Variants in COL9A3 observed in about 807,000 individuals in gnomAD.
The protein encoded by COL9A3 is collagen type IX alpha 3 chain.
Under a neutral mutation model 110.2 loss-of-function variants are expected in COL9A3, and 82 were observed. That is an observed-to-expected ratio of 0.74 (90% CI 0.62 to 0.89). COL9A3 has a LOEUF of 0.89. Among genes scored for constraint, COL9A3 ranks in the 40% least tolerant of loss-of-function variants. COL9A3 has a pLI of 0.00. For synonymous variants in COL9A3, 494 were observed against 403.8 expected (o/e 1.22, Z -2.68); for missense variants, 1,066 against 981.3 (o/e 1.09, Z -1.15).
intron 11 of COL9A3, 78 bp downstream of exon 11, chr20:62,824,579 G>A: frequency 3.5e-6 from 5 of 1,437,578 alleles, no homozygotes; most frequent in Non-Finnish European, 4.8e-6. Context: ...GGGCTGTGGA[G>A]GTGGCGGGTC....
At chr20:62,828,716 G>A (rs749012638) in intron 17 of COL9A3, 48 bp from the exon 18 acceptor site, 4 of 1,605,240 alleles carry the variant, frequency 2.5e-6, no homozygotes, top group Non-Finnish European at 3.4e-6. Flanking sequence ...TGTAGAGGGA[G>A]GGAGGGGGGC....
Position 62,821,514 on chromosome 20 carries a change from G to C in COL9A3, c.353G>C (p.Gly118Ala). The C allele has an allele frequency of 1.2e-6, 2 of 1,612,852 alleles. No homozygotes were observed. Among genetic ancestry groups the C allele is most frequent in the Non-Finnish European group, 1.7e-6 (2 of 1,179,946 alleles). ...PPGPPGLGGK[G>A]LPGPPGEAGV... The stretch of plus-strand genomic sequence containing the variant: ...CCATGTTTGGCTTTGCAGGGCAAAG[G>C]CCTCCCTGGACCCCCCGTGAGTACT... The change falls in exon 7 of 32, where the codon GGC becomes GCC. Residue 118 changes from glycine to alanine, a missense_variant. Gly to Ala is a moderately conservative substitution (Grantham distance 60, BLOSUM62 0). Coordinates refer to ENST00000649368, the MANE Select transcript of COL9A3 (RefSeq NM_001853.4).
rs369283322 is a variant in COL9A3, at chr20:62,840,549, A to G, written c.1872A>G (p.Gln624=). Residue 624 remains glutamine, a synonymous_variant, in exon 32 of 32, where the codon CAA becomes CAG. Transcript: ENST00000649368. The stretch of plus-strand genomic sequence containing the variant: ...TTTCTGCTCTGTCCCAAGGACCCCA[A>G]GGCGTGCCCGGCACCAGCAAGGACG... ...PEGDQGPQGP[Q]GVPGTSKDGQ... The G allele has an allele frequency of 2.5e-6, 4 of 1,611,696 alleles. No individual in the cohort carries two copies. The highest frequency in any genetic ancestry group is 2.2e-5 in the East Asian group (1 of 44,894).
In COL9A3 at chr20:62,819,918, C is replaced by A; in HGVS notation, c.256-11C>A. Reference sequence around the variant, plus strand: ...TGTGGCCCCTCGAGCTCGCCCTCTGCCTCTCCCCAGGGTCTGACTGGACGA... The same window carrying A: ...TGTGGCCCCTCGAGCTCGCCCTCTGACTCTCCCCAGGGTCTGACTGGACGA... On this transcript the variant is annotated splice_polypyrimidine_tract_variant and intron_variant, in intron 4 of 31. Coordinates refer to ENST00000649368, the MANE Select transcript of COL9A3 (RefSeq NM_001853.4). 2 of 1,612,822 alleles carry A rather than the reference C, an allele frequency of 1.2e-6. No individual in the cohort carries two copies. Among genetic ancestry groups the A allele is most frequent in the East Asian group, 2.2e-5 (1 of 44,888 alleles).
chr20:62,839,880 C>G lies in COL9A3; in HGVS notation c.1865-662C>G, dbSNP rs558702245. Among the ~76,000 whole-genome samples the G allele has an allele frequency of 1.3e-4, 20 of 152,282 alleles. No individual in the cohort carries two copies. In the South Asian group the frequency reaches 3.9e-3, roughly 30 times the overall value. On this transcript the variant is annotated intron_variant, in intron 31 of 31. Coordinates refer to ENST00000649368, the MANE Select transcript of COL9A3 (RefSeq NM_001853.4). ...TTCTCCCCTCCACGCACACACACTG[C>G]TCTCTGGGTGCCCCATGCTCCTGGA...
chr20:62,826,349 A>ACTCTGAAGCAGCCGGCACCCTGG (rs2063552319), intron 14 of COL9A3, 92 bp downstream of exon 14: 4 of 1,214,926 alleles, frequency 3.3e-6, no homozygotes, highest in Non-Finnish European at 4.7e-6. Flanking sequence ...CGTGAGTGAC[A>ACTCTGAAGCAGCCGGCACCCTGG]CTCTGAAGCA....
At chr20:62,832,893 T>C in intron 25 of COL9A3, 127 bp from the exon 26 acceptor site, 1 of 864,652 alleles carries the variant, frequency 1.2e-6, no homozygotes, top group African/African-American at 2.0e-5. Context: ...CCCTGGGGCC[T>C]GGGCTTTTGG....
Position 62,821,745 on chromosome 20 carries a change from A to G in COL9A3, c.370-12A>G. The G allele has an allele frequency of 1.2e-6, 2 of 1,608,906 alleles. No homozygotes were observed. Among genetic ancestry groups the G allele is most frequent in the Non-Finnish European group, 1.7e-6 (2 of 1,177,972 alleles). ...GGTGCAGACCTCCCCACCTCTCTTT[A>G]CTTCCCTCCAGGGAGAGGCAGGAGT... is the stretch of plus-strand genomic sequence containing the variant. On this transcript the variant is annotated splice_polypyrimidine_tract_variant and intron_variant, in intron 7 of 31. Transcript: ENST00000649368.
intron 24 of COL9A3, 158 bp from the exon 25 acceptor site, chr20:62,831,996 G>T: frequency 1.3e-6 from 1 of 770,010 alleles, no homozygotes; most frequent in Non-Finnish European, 2.3e-6. Flanking sequence ...ACGTGAGCTT[G>T]GCCTTTGGGC....
intron 4 of COL9A3, 120 bp from the exon 5 acceptor site, chr20:62,819,809 T>G: frequency 1.8e-6 from 2 of 1,115,162 alleles, no homozygotes; most frequent in Non-Finnish European, 2.7e-6. Context: ...GCTGCCACCC[T>G]AAGGGTCTTC....
chr20:62,832,799 T>G (rs2063606746), intron 25 of COL9A3: 1 of 492,814 alleles, frequency 2.0e-6, no homozygotes. Flanking sequence ...AGCCTCATTA[T>G]GCAAACAAAT....
Position 62,821,492 on chromosome 20 carries a change from T to C in COL9A3, c.346-15T>C, listed in dbSNP as rs2063512751. The C allele has an allele frequency of 6.2e-7, 1 of 1,612,908 alleles. No individual in the cohort carries two copies. The highest frequency in any genetic ancestry group is 8.5e-7 in the Non-Finnish European group (1 of 1,179,938). ...TTGTGCCTGGCAGGCTCTGACCCCA[T>C]GTTTGGCTTTGCAGGGCAAAGGCCT... On this transcript the variant is annotated splice_polypyrimidine_tract_variant and intron_variant, in intron 6 of 31. Coordinates refer to ENST00000649368, the MANE Select transcript of COL9A3 (RefSeq NM_001853.4).
At chr20:62,826,290 A>G (rs1600797878) in intron 14 of COL9A3, 33 bp downstream of exon 14, 5 of 1,541,526 alleles carry the variant, frequency 3.2e-6, no homozygotes, top group Non-Finnish European at 3.5e-6. Flanking sequence ...GGGGCCGGCC[A>G]GGTGGCTGGG....
upstream of COL9A3, chr20:62,817,018 C>T (rs1331248205): frequency 8.8e-7 from 1 of 1,141,994 alleles, no homozygotes; most frequent in African/African-American, 1.7e-5. Flanking sequence ...GCCCCGCCCG[C>T]CCGCGCGCCG....
chr20:62,822,995 G>A (rs760086), intron 10 of COL9A3, among the ~76,000 whole-genome samples: 47,930 of 152,154 alleles, frequency 0.32, 7,779 homozygotes, highest in Non-Finnish European at 0.35. Flanking sequence ...CTGGAGTCTG[G>A]GACCCACCTT....
rs562245450 is a variant in COL9A3, at chr20:62,830,583, G to A, written c.1282G>A (p.Asp428Asn). Residue 428 changes from aspartate (D) to asparagine (N), a missense_variant, in exon 24 of 32, where the codon GAC becomes AAC. Asp to Asn is a conservative substitution (Grantham distance 23). Coordinates refer to ENST00000649368, the MANE Select transcript of COL9A3 (RefSeq NM_001853.4). ...GPQGLRGDVG[D>N]RGPGGAAGPK... ...CCAGGGCCTCCGAGGTGACGTGGGC[G>A]ACCGGGTAAGTGGCCCTCTCAGCAG... The A allele has an allele frequency of 1.6e-5, 25 of 1,596,860 alleles. No homozygotes were observed. In the East Asian group the frequency reaches 3.4e-4, roughly 22 times the overall value.
At chr20:62,827,176 C>T in intron 15 of COL9A3, 65 bp from the exon 16 acceptor site, 1 of 1,576,852 alleles carries the variant, frequency 6.3e-7, no homozygotes, top group African/African-American at 1.3e-5. Context: ...GGAGGGGCCC[C>T]CGTCCTACTC....
At chr20:62,832,795 A>C in intron 25 of COL9A3, 1 of 472,602 alleles carries the variant, frequency 2.1e-6, no homozygotes, top group Non-Finnish European at 3.9e-6. Flanking sequence ...GAAAAGCCTC[A>C]TTATGCAAAC....
At chr20:62,840,431 C>G (rs1205291057) in intron 31 of COL9A3, 111 bp from the exon 32 acceptor site, 8 of 1,051,028 alleles carry the variant, frequency 7.6e-6, no homozygotes, top group Non-Finnish European at 1.0e-5. Context: ...GGCCTCTCCC[C>G]AAGTGAAGAG....
Sources: gnomAD v4.1 joint callset for allele counts (sites outside exome capture counted in the v4.1 genomes callset) on GRCh38, gnomAD v4.1.1 for gene constraint, MANE v1.5 for transcripts, NCBI Gene and HGNC (gene_info 2026-07-23, HGNC 2026-07-21) for gene names.